The following PDE4D variants were observed in gnomAD, a reference collection of about 807,000 sequenced individuals.
The protein encoded by PDE4D is phosphodiesterase 4D.
A neutral mutation model predicts 87.4 loss-of-function variants in PDE4D; 24 were observed. The ratio of observed to expected loss-of-function variants is 0.27; its 90% confidence interval spans 0.20 to 0.39. The LOEUF (loss-of-function observed/expected upper bound fraction) is 0.39, where lower values mean the gene tolerates loss of function less well. Ranked by LOEUF, PDE4D falls within the 10% of genes least tolerant of loss-of-function variation. PDE4D has a pLI of 1.00. For synonymous variants in PDE4D, 384 were observed against 383.2 expected (o/e 1.00, Z -0.02); for missense variants, 714 against 1,041.0 (o/e 0.69, Z 4.32).
At chr5:59,932,912 G>A (rs930587461) in intron 3 of PDE4D, among the ~76,000 whole-genome samples, 41 of 152,050 alleles carry the variant, frequency 2.7e-4, no homozygotes, top group Non-Finnish European at 5.9e-5. Flanking sequence ...TCCAATTTTT[G>A]CCACCTATCT....
chr5:59,401,320 C>G (rs1490026808), intron 1 of PDE4D, among the ~76,000 whole-genome samples: 1 of 152,066 alleles, frequency 6.6e-6, no homozygotes, highest in Non-Finnish European at 1.5e-5. Context: ...TGGTGCACAC[C>G]TGTAGACCTG....
At chr5:59,717,479 TA>T (rs1755199968) in intron 1 of PDE4D, among the ~76,000 whole-genome samples, 2 of 152,194 alleles carry the variant, frequency 1.3e-5, no homozygotes, top group Non-Finnish European at 2.9e-5. Flanking sequence ...ACATGCAAGA[TA>T]AAGGCACAGC....
intron 5 of PDE4D, among the ~76,000 whole-genome samples, chr5:59,105,607 T>G (rs1005840525): frequency 1.3e-5 from 2 of 152,152 alleles, no homozygotes; most frequent in South Asian, 2.1e-4. Context: ...AAATGATAAT[T>G]GTTAATAGTA....
At chr5:59,844,112 T>C (rs17371592) in intron 1 of PDE4D, among the ~76,000 whole-genome samples, 8,833 of 152,120 alleles carry the variant, frequency 0.058, 336 homozygotes, top group African/African-American at 0.11. Context: ...TTTTTCAACC[T>C]CTCAAACACC....
chr5:59,319,308 A>G (rs1199002821), intron 1 of PDE4D, among the ~76,000 whole-genome samples: 1 of 152,076 alleles, frequency 6.6e-6, no homozygotes, highest in African/African-American at 2.4e-5. Context: ...TTGAATTCTA[A>G]TTTGATTCTA....
intron 4 of PDE4D, among the ~76,000 whole-genome samples, chr5:59,181,521 T>C (rs958954909): frequency 3.2e-5 from 4 of 125,426 alleles, no homozygotes; most frequent in African/African-American, 6.4e-5. Context: ...AAAAACACTT[T>C]TAGATACATT....
chr5:59,328,864 T>C (rs1776195509), intron 1 of PDE4D, among the ~76,000 whole-genome samples: 1 of 152,202 alleles, frequency 6.6e-6, no homozygotes, highest in Non-Finnish European at 1.5e-5. Context: ...AGGTGGGCTT[T>C]TTGCCAAATA....
intron 5 of PDE4D, among the ~76,000 whole-genome samples, chr5:59,160,516 T>C (rs1780906449): frequency 6.6e-6 from 1 of 152,092 alleles, no homozygotes; most frequent in Non-Finnish European, 1.5e-5. Context: ...GTGATTATTA[T>C]TATCTTCTGT....
chr5:60,229,503 T>A (rs1745553099), intron 1 of PDE4D, among the ~76,000 whole-genome samples: 1 of 152,132 alleles, frequency 6.6e-6, no homozygotes, highest in Non-Finnish European at 1.5e-5. Flanking sequence ...AATATTTAAA[T>A]CTTGAACTAG....
At chr5:59,727,125 C>T (rs1423455193) in intron 1 of PDE4D, among the ~76,000 whole-genome samples, 1 of 152,054 alleles carries the variant, frequency 6.6e-6, no homozygotes, top group African/African-American at 2.4e-5. Context: ...CGGTTCTTCC[C>T]TAAAACTGTA....
At chr5:60,019,010 C>T (rs1435511392) in intron 2 of PDE4D, among the ~76,000 whole-genome samples, 5 of 152,148 alleles carry the variant, frequency 3.3e-5, no homozygotes, top group Non-Finnish European at 5.9e-5. Context: ...GAACTCTCCA[C>T]CCAAAAACAA....
chr5:59,682,633 C>T lies in PDE4D; in HGVS notation c.455+210535G>A, dbSNP rs577401253. 3.9e-5 allele frequency among the ~76,000 whole-genome samples: 6 copies of T among 152,110 alleles called. No homozygotes were observed. In the East Asian group the frequency reaches 9.7e-4, roughly 24 times the overall value. On this transcript the variant is annotated intron_variant, in intron 1 of 14. Transcript: ENST00000340635. ...GGATTAATGCCCTTATAAAAGAGAC[C>T]CCAGAGAACTCTCTCTTCCTTTCTG...
chr5:59,388,431 G>A (rs1332929064), intron 1 of PDE4D, among the ~76,000 whole-genome samples: 1 of 151,990 alleles, frequency 6.6e-6, no homozygotes, highest in African/African-American at 2.4e-5. Flanking sequence ...ACAGCATCGA[G>A]GTTCTTTAAA....
intron 1 of PDE4D, among the ~76,000 whole-genome samples, chr5:60,357,137 T>C (rs944834189): frequency 6.6e-6 from 1 of 150,726 alleles, no homozygotes; most frequent in Non-Finnish European, 1.5e-5. Context: ...AGGAGACAGA[T>C]GTGTTGCAGC....
intron 1 of PDE4D, among the ~76,000 whole-genome samples, chr5:59,629,471 C>A (rs1163140317): frequency 6.6e-6 from 1 of 151,876 alleles, no homozygotes; most frequent in Non-Finnish European, 1.5e-5. Context: ...AATGTGGACA[C>A]AGAGACATGT....
chr5:59,942,180 G>A (rs1043375297), intron 3 of PDE4D, among the ~76,000 whole-genome samples: 3 of 152,180 alleles, frequency 2.0e-5, no homozygotes, highest in Non-Finnish European at 4.4e-5. Flanking sequence ...TTTGCTATTT[G>A]TCCTTAGGAT....
At position 60,124,973 on chromosome 5, in the gene PDE4D, C is replaced by T. The variant is rs373874683; in HGVS notation, c.42+60584G>A. On this transcript the variant is annotated intron_variant, in intron 2 of 16. Transcript: ENST00000502484. ...TCATTGACTTCCAAGCCTTTCCTCA[C>T]TCTAGGTTGTATTTCTGCCTCACCA... 6.6e-5 allele frequency among the ~76,000 whole-genome samples: 10 copies of T among 152,302 alleles called. 1 individual carries two copies. The highest frequency in any genetic ancestry group is 2.4e-4 in the African/African-American group (10 of 41,576).
intron 1 of PDE4D, among the ~76,000 whole-genome samples, chr5:60,189,900 G>A (rs1785071838): frequency 6.6e-6 from 1 of 152,174 alleles, no homozygotes. Flanking sequence ...GAGTGATCAA[G>A]GTGTAATGGA....
At chr5:60,290,303 C>T (rs1343661751) in intron 1 of PDE4D, among the ~76,000 whole-genome samples, 4 of 151,900 alleles carry the variant, frequency 2.6e-5, no homozygotes, top group African/African-American at 9.7e-5. Flanking sequence ...TAAATCATAA[C>T]AGAATGGAGA....
Sources: allele counts gnomAD v4.1 joint callset (sites outside exome capture counted in the v4.1 genomes callset), GRCh38; gene constraint gnomAD v4.1.1; transcripts MANE v1.5; gene names NCBI Gene and HGNC (gene_info 2026-07-23, HGNC 2026-07-21).